Variants in GALNT14 observed in about 807,000 individuals in gnomAD.
GALNT14 encodes the protein polypeptide N-acetylgalactosaminyltransferase 14.
A neutral mutation model predicts 77.5 loss-of-function variants in GALNT14; 60 were observed. That is an observed-to-expected ratio of 0.77 (90% CI 0.63 to 0.96). GALNT14 has a LOEUF of 0.96. Among genes scored for constraint, GALNT14 ranks in the 40% least tolerant of loss-of-function variants. The pLI, the probability that GALNT14 is intolerant of heterozygous loss-of-function variation, is 0.00. For missense variants in GALNT14, 710 were observed against 731.0 expected (o/e 0.97, Z 0.33); for synonymous variants, 280 against 281.7 (o/e 0.99, Z 0.06).
chr2:30,924,265 T>C lies in GALNT14; in HGVS notation c.1236-2A>G, dbSNP rs778966979. 1.2e-6 allele frequency: 2 copies of C among 1,613,980 alleles called. No individual in the cohort carries two copies. Among genetic ancestry groups the C allele is most frequent in the African/African-American group, 2.7e-5 (2 of 74,924 alleles). ...TGGATGGAGGACTCCTTGGGGATGC[T>C]GGAGGAGAGTCACAGGGAGAGAGGA... On this transcript the variant is annotated splice_acceptor_variant, in intron 12 of 14. Coordinates refer to ENST00000349752, the MANE Select transcript of GALNT14 (RefSeq NM_024572.4). LOFTEE classifies it high-confidence loss of function.
At chr2:30,972,649 G>A (rs1668426695) in intron 2 of GALNT14, among the ~76,000 whole-genome samples, 1 of 152,212 alleles carries the variant, frequency 6.6e-6, no homozygotes, top group Non-Finnish European at 1.5e-5. Context: ...GTCACATGTT[G>A]TAATACCTCT....
intron 9 of GALNT14, among the ~76,000 whole-genome samples, chr2:30,934,832 T>A (rs149767381): frequency 5.9e-5 from 9 of 152,248 alleles, no homozygotes; most frequent in Non-Finnish European, 1.3e-4. Flanking sequence ...CTCACCTCCA[T>A]CCTACCAGCC....
intron 1 of GALNT14, among the ~76,000 whole-genome samples, chr2:31,053,027 C>T (rs768506858): frequency 4.6e-5 from 7 of 152,212 alleles, no homozygotes; most frequent in South Asian, 2.1e-4. Context: ...TCACTCAGCC[C>T]GGCCTAACCC....
At chr2:31,063,144 T>C (rs1674711365) in intron 1 of GALNT14, among the ~76,000 whole-genome samples, 1 of 152,240 alleles carries the variant, frequency 6.6e-6, no homozygotes, top group Non-Finnish European at 1.5e-5. Context: ...CATGCCTATG[T>C]CCTGAATGGT....
chr2:30,922,974 G>A (rs1665122456), intron 13 of GALNT14, among the ~76,000 whole-genome samples: 1 of 151,990 alleles, frequency 6.6e-6, no homozygotes. Context: ...AGAACAGTGA[G>A]CTGGGAACCT....
intron 1 of GALNT14, among the ~76,000 whole-genome samples, chr2:31,100,568 T>C (rs1257572535): frequency 6.6e-6 from 1 of 152,046 alleles, no homozygotes; most frequent in Non-Finnish European, 1.5e-5. Context: ...ATTGCATTGG[T>C]AAGTATCACC....
At chr2:31,088,957 T>C (rs994317216) in intron 1 of GALNT14, among the ~76,000 whole-genome samples, 1 of 152,062 alleles carries the variant, frequency 6.6e-6, no homozygotes, top group Non-Finnish European at 1.5e-5. Context: ...TACAAGAAGG[T>C]TTAAAGGTTT....
Position 30,958,465 on chromosome 2 carries a change from C to G in GALNT14, c.399-1G>C. The G allele has an allele frequency of 6.2e-7, 1 of 1,613,616 alleles. No individual in the cohort carries two copies. Among genetic ancestry groups the G allele is most frequent in the Non-Finnish European group, 8.5e-7 (1 of 1,179,610 alleles). ...ATGCGTAGGGGTGCGGTTTAATACA[C>G]TGCAAGATGGAAACAGAAAAAAATC... On this transcript the variant is annotated splice_acceptor_variant, in intron 3 of 14. Coordinates refer to ENST00000349752, the MANE Select transcript of GALNT14 (RefSeq NM_024572.4). LOFTEE classifies it high-confidence loss of function.
chr2:30,956,092 C>A, intron 4 of GALNT14, 115 bp from the exon 5 acceptor site: 1 of 971,338 alleles, frequency 1.0e-6, no homozygotes, highest in East Asian at 2.4e-5. Flanking sequence ...TCCACTGTCC[C>A]CTAACTGCAG....
chr2:30,913,246 C>T (rs1020299023), intron 13 of GALNT14, among the ~76,000 whole-genome samples: 2 of 152,180 alleles, frequency 1.3e-5, no homozygotes, highest in African/African-American at 4.8e-5. Flanking sequence ...TTGCCTCCGT[C>T]TGGGGGCAAA....
At chr2:30,973,120 G>A (rs1365833474) in intron 2 of GALNT14, among the ~76,000 whole-genome samples, 1 of 152,204 alleles carries the variant, frequency 6.6e-6, no homozygotes, top group Admixed American at 6.5e-5. Flanking sequence ...TCCAGGGCCA[G>A]AAAGGCAAAG....
chr2:31,064,195 G>T (rs1674789179), intron 1 of GALNT14, among the ~76,000 whole-genome samples: 1 of 152,164 alleles, frequency 6.6e-6, no homozygotes, highest in African/African-American at 2.4e-5. Flanking sequence ...AAATTCAACT[G>T]GGTATAAATC....
the GALNT14 span, among the ~76,000 whole-genome samples, chr2:30,896,754 A>G: frequency 6.6e-6 from 1 of 152,064 alleles, no homozygotes; most frequent in East Asian, 1.9e-4. Context: ...GCTCAGCAGG[A>G]TCTACTTGGC....
chr2:31,130,060 T>A (rs780113233), intron 1 of GALNT14, among the ~76,000 whole-genome samples: 1 of 152,324 alleles, frequency 6.6e-6, no homozygotes, highest in Middle Eastern at 3.4e-3. Flanking sequence ...TCTCCTGCAT[T>A]TCCTTGAAAG....
chr2:31,011,270 G>T (rs1187137895), intron 1 of GALNT14, among the ~76,000 whole-genome samples: 1 of 152,178 alleles, frequency 6.6e-6, no homozygotes, highest in Non-Finnish European at 1.5e-5. Flanking sequence ...TAAGCTCTGT[G>T]CCAGGCATAC....
chr2:31,059,483 G>A (rs1048447432), intron 1 of GALNT14, among the ~76,000 whole-genome samples: 5 of 152,144 alleles, frequency 3.3e-5, no homozygotes, highest in African/African-American at 4.8e-5. Context: ...GAGATGGTAC[G>A]AGGAGGTGGG....
At chr2:31,038,738 G>T (rs1371958492) in intron 1 of GALNT14, among the ~76,000 whole-genome samples, 2 of 145,448 alleles carry the variant, frequency 1.4e-5, no homozygotes, top group Non-Finnish European at 3.0e-5. Flanking sequence ...TTCTTAGTGA[G>T]ATTCAGCAAT....
intron 1 of GALNT14, among the ~76,000 whole-genome samples, chr2:31,096,644 C>A (rs114191393): frequency 0.018 from 2,694 of 152,198 alleles, 43 homozygotes; most frequent in Middle Eastern, 0.061. Context: ...AGAAGTGTAA[C>A]CTGACAATAA....
chr2:31,035,199 T>G (rs558781797), intron 1 of GALNT14, among the ~76,000 whole-genome samples: 1 of 152,320 alleles, frequency 6.6e-6, no homozygotes, highest in Admixed American at 6.5e-5. Context: ...AAGTGAGGTA[T>G]TGAAGTTTCT....
Sources: gnomAD v4.1 joint callset for allele counts (sites outside exome capture counted in the v4.1 genomes callset) on GRCh38, gnomAD v4.1.1 for gene constraint, MANE v1.5 for transcripts, NCBI Gene and HGNC (gene_info 2026-07-23, HGNC 2026-07-21) for gene names.